CAMKMT: variants seen among roughly 807,000 people sequenced by gnomAD.
CAMKMT encodes the protein CaM KMT.
CAMKMT carries 53 observed loss-of-function variants against 48.0 expected under a neutral mutation model. That is an observed-to-expected ratio of 1.10 (90% confidence interval 0.89 to 1.39). The LOEUF (loss-of-function observed/expected upper bound fraction) is 1.39. Among genes scored for constraint, CAMKMT ranks in the 40% most tolerant of loss-of-function variants. CAMKMT has a pLI of 0.00. For synonymous variants in CAMKMT, 165 were observed against 152.3 expected (o/e 1.08, Z -0.61); for missense variants, 428 against 402.7 (o/e 1.06, Z -0.54).
At position 44,576,798 on chromosome 2, in the gene CAMKMT, A is replaced by G. The variant is rs113327424; in HGVS notation, c.377-127485A>G. Among the ~76,000 whole-genome samples the G allele has an allele frequency of 2.1e-3, 316 of 152,358 alleles. 1 individual carries two copies. The Middle Eastern group carries it at 0.024, about 11-fold the overall frequency. On this transcript the variant is annotated intron_variant, in intron 3 of 10. Transcript: ENST00000378494. Reference sequence around the variant, plus strand: ...TGCTCAGAAATAGCCTCACTTGCACAGTTTTAAAAATGCAACTCAAAAGAT... The same window carrying G: ...TGCTCAGAAATAGCCTCACTTGCACGGTTTTAAAAATGCAACTCAAAAGAT...
At chr2:44,665,654 A>G (rs903407995) in intron 3 of CAMKMT, among the ~76,000 whole-genome samples, 6 of 152,204 alleles carry the variant, frequency 3.9e-5, no homozygotes, top group South Asian at 2.1e-4. Flanking sequence ...TACATTTCTT[A>G]TATGCCCTAT....
At chr2:44,662,609 A>T (rs1674739588) in intron 3 of CAMKMT, among the ~76,000 whole-genome samples, 1 of 152,124 alleles carries the variant, frequency 6.6e-6, no homozygotes, top group African/African-American at 2.4e-5. Flanking sequence ...TAATTTTTTT[A>T]GATATGGGGG....
intron 3 of CAMKMT, among the ~76,000 whole-genome samples, chr2:44,672,443 T>G (rs2104132550): frequency 6.6e-6 from 1 of 152,284 alleles, no homozygotes; most frequent in Admixed American, 6.5e-5. Flanking sequence ...TCATTTGACA[T>G]TTGCTGAGCC....
intron 8 of CAMKMT, among the ~76,000 whole-genome samples, chr2:44,748,348 T>C (rs1048183983): frequency 1.3e-5 from 2 of 152,154 alleles, no homozygotes; most frequent in African/African-American, 4.8e-5. Flanking sequence ...TAAGGGGAAA[T>C]AGCACTTTAT....
At chr2:44,722,267 A>G (rs964073063) in intron 7 of CAMKMT, among the ~76,000 whole-genome samples, 1 of 142,294 alleles carries the variant, frequency 7.0e-6, no homozygotes, top group African/African-American at 2.6e-5. Context: ...TTGGGTTTAT[A>G]TGGTCACATG....
chr2:44,395,790 C>G (rs982452828), intron 3 of CAMKMT, among the ~76,000 whole-genome samples: 1 of 151,912 alleles, frequency 6.6e-6, no homozygotes, highest in Non-Finnish European at 1.5e-5. Context: ...TTTTTCAGTA[C>G]CTTTGTTATT....
intron 3 of CAMKMT, among the ~76,000 whole-genome samples, chr2:44,415,830 C>G (rs1302358713): frequency 2.6e-5 from 4 of 152,130 alleles, no homozygotes; most frequent in African/African-American, 9.7e-5. Flanking sequence ...TACATATATT[C>G]AGTACTTCAT....
At chr2:44,670,405 C>A (rs72794012) in intron 3 of CAMKMT, among the ~76,000 whole-genome samples, 16,023 of 151,938 alleles carry the variant, frequency 0.11, 1,135 homozygotes, top group Admixed American at 0.21. Context: ...ATAGGGAGAC[C>A]CCATCTCTAA....
rs184465520 is a variant in CAMKMT at position 44,412,374 on chromosome 2, C to T, written c.376+22069C>T. On this transcript the variant is annotated intron_variant, in intron 3 of 10. Transcript: ENST00000378494. Reference sequence around the variant, plus strand: ...TTTTTGAGACAGAGTCTGGCTCTGTCGCCTAGGCTGAAGTACAATGGCACA... The same window carrying T: ...TTTTTGAGACAGAGTCTGGCTCTGTTGCCTAGGCTGAAGTACAATGGCACA... Among the ~76,000 whole-genome samples, 6 of 152,194 alleles carry T rather than the reference C, an allele frequency of 3.9e-5. No individual in the cohort carries two copies. In the East Asian group the frequency reaches 1.2e-3, roughly 30 times the overall value.
intron 4 of CAMKMT, among the ~76,000 whole-genome samples, chr2:44,704,991 A>C: frequency 6.6e-6 from 1 of 152,138 alleles, no homozygotes; most frequent in African/African-American, 2.4e-5. Context: ...GTAGACCCAG[A>C]AAATATAGGT....
At chr2:44,614,123 G>T (rs7590333) in intron 3 of CAMKMT, among the ~76,000 whole-genome samples, 1 of 151,924 alleles carries the variant, frequency 6.6e-6, no homozygotes, top group Non-Finnish European at 1.5e-5. Context: ...TTAGAAAAAA[G>T]ATCACACATA....
intron 3 of CAMKMT, among the ~76,000 whole-genome samples, chr2:44,440,647 TC>T (rs1666595763): frequency 6.6e-6 from 1 of 152,158 alleles, no homozygotes; most frequent in African/African-American, 2.4e-5. Flanking sequence ...TTTCAAGGGC[TC>T]AGTAGCCACA....
At chr2:44,471,102 C>A (rs963374992) in intron 3 of CAMKMT, among the ~76,000 whole-genome samples, 14 of 147,622 alleles carry the variant, frequency 9.5e-5, no homozygotes, top group African/African-American at 3.3e-4. Flanking sequence ...TCAAGCAATT[C>A]TCCTGCCTCA....
intron 3 of CAMKMT, among the ~76,000 whole-genome samples, chr2:44,414,739 C>T (rs2104489520): frequency 6.6e-6 from 1 of 152,302 alleles, no homozygotes; most frequent in South Asian, 2.1e-4. Flanking sequence ...AGGCTGGCCA[C>T]CAAACTCCTC....
intron 2 of CAMKMT, among the ~76,000 whole-genome samples, chr2:44,376,619 C>G (rs574927985): frequency 6.6e-6 from 1 of 152,262 alleles, no homozygotes; most frequent in South Asian, 2.1e-4. Context: ...GCTACCCATT[C>G]ATTTCTGTCT....
intron 3 of CAMKMT, among the ~76,000 whole-genome samples, chr2:44,660,047 A>G (rs964462643): frequency 5.3e-5 from 8 of 152,346 alleles, no homozygotes; most frequent in African/African-American, 1.9e-4. Context: ...AATATTTACA[A>G]ACTCATTCAA....
chr2:44,583,146 G>A (rs2103781969), intron 3 of CAMKMT, among the ~76,000 whole-genome samples: 1 of 152,192 alleles, frequency 6.6e-6, no homozygotes, highest in Non-Finnish European at 1.5e-5. Context: ...TCACTACTAT[G>A]CTTTGTGTAT....
At chr2:44,441,418 C>T (rs1002824918) in intron 3 of CAMKMT, among the ~76,000 whole-genome samples, 10 of 152,118 alleles carry the variant, frequency 6.6e-5, no homozygotes, top group Admixed American at 1.3e-4. Flanking sequence ...TGTCATCAAG[C>T]TTGCAAATAG....
chr2:44,401,310 C>T (rs1410722723), intron 3 of CAMKMT, among the ~76,000 whole-genome samples: 1 of 152,050 alleles, frequency 6.6e-6, no homozygotes, highest in Non-Finnish European at 1.5e-5. Flanking sequence ...GTAATCTCAG[C>T]ACTTTGGGAG....
Sources: gnomAD v4.1 joint callset for allele counts (sites outside exome capture counted in the v4.1 genomes callset) on GRCh38, gnomAD v4.1.1 for gene constraint, MANE v1.5 for transcripts, NCBI Gene and HGNC (gene_info 2026-07-23, HGNC 2026-07-21) for gene names.